CNOT4: variants seen among roughly 807,000 people sequenced by gnomAD.
CNOT4 encodes CCR4-NOT transcription complex subunit 4.
Under a neutral mutation model 73.8 loss-of-function variants are expected in CNOT4, and 8 were observed. The ratio of observed to expected loss-of-function variants is 0.11; its 90% CI spans 0.06 to 0.20. The LOEUF is 0.20. CNOT4 is among the 10% of genes least tolerant of loss of function. CNOT4 has a pLI of 1.00. For missense variants in CNOT4, 564 were observed against 883.4 expected, an observed-to-expected ratio of 0.64 and a Z score of 4.58; for synonymous variants, 293 against 321.1, an observed-to-expected ratio of 0.91 and a Z score of 0.94.
At chr7:135,494,997 A>G (rs1803369566) in intron 1 of CNOT4, among the ~76,000 whole-genome samples, 1 of 152,242 alleles carries the variant, frequency 6.6e-6, no homozygotes. Flanking sequence ...TGTTTTTAAA[A>G]GATTAAATAA....
chr7:135,441,406 TAA>T (rs113086068), intron 1 of CNOT4, among the ~76,000 whole-genome samples: 1 of 137,020 alleles, frequency 7.3e-6, no homozygotes, highest in Non-Finnish European at 1.6e-5. Context: ...AAAATAAAAT[TAA>T]AAAAAAAAAA....
intron 1 of CNOT4, among the ~76,000 whole-genome samples, chr7:135,503,422 C>T (rs1804133905): frequency 6.6e-6 from 1 of 150,964 alleles, no homozygotes; most frequent in African/African-American, 2.4e-5. Flanking sequence ...AGGATCATGC[C>T]ACTGCACTCC....
intron 1 of CNOT4, among the ~76,000 whole-genome samples, chr7:135,501,976 T>C (rs538005077): frequency 2.6e-5 from 4 of 152,198 alleles, no homozygotes; most frequent in Admixed American, 6.5e-5. Context: ...GATAATGCCA[T>C]AGTAATGGAA....
chr7:135,495,305 G>T (rs936563592), intron 1 of CNOT4, among the ~76,000 whole-genome samples: 2 of 152,038 alleles, frequency 1.3e-5, no homozygotes, highest in African/African-American at 2.4e-5. Flanking sequence ...AGGAGTTTGA[G>T]ACCAGCCTAG....
intron 10 of CNOT4, among the ~76,000 whole-genome samples, chr7:135,391,923 A>G (rs116063554): frequency 0.014 from 2,182 of 152,156 alleles, 52 homozygotes; most frequent in African/African-American, 0.05. Context: ...TACCAAGTCC[A>G]TGCCATTTTG....
chr7:135,368,599 G>A (rs1038165074), intron 10 of CNOT4, among the ~76,000 whole-genome samples: 3 of 152,254 alleles, frequency 2.0e-5, no homozygotes, highest in Middle Eastern at 3.4e-3. Flanking sequence ...GGACACGTAC[G>A]GGAACGTGTT....
chr7:135,433,676 T>A (rs1798988408), intron 2 of CNOT4, among the ~76,000 whole-genome samples: 1 of 152,174 alleles, frequency 6.6e-6, no homozygotes, highest in Non-Finnish European at 1.5e-5. Flanking sequence ...TGTTTTTGTT[T>A]CATAGATACA....
At chr7:135,391,728 A>G (rs1796412057) in intron 10 of CNOT4, among the ~76,000 whole-genome samples, 2 of 152,144 alleles carry the variant, frequency 1.3e-5, no homozygotes, top group Non-Finnish European at 2.9e-5. Context: ...TTACCAGTGC[A>G]GCATTCTGAG....
chr7:135,386,665 GATC>G (rs1253112124), intron 10 of CNOT4: 1 of 152,188 alleles, frequency 6.6e-6, no homozygotes, highest in African/African-American at 2.4e-5. Flanking sequence ...TGAGGCAAAA[GATC>G]ATGTTTAGCC....
chr7:135,417,188 A>G (rs970665150), intron 3 of CNOT4, among the ~76,000 whole-genome samples: 5 of 152,152 alleles, frequency 3.3e-5, no homozygotes, highest in African/African-American at 1.2e-4. Flanking sequence ...CTCAATATGT[A>G]AAGAAATTCT....
Position 135,510,028 on chromosome 7 carries a change from A to G in CNOT4, c.-232T>C. On this transcript the variant is annotated 5_prime_UTR_variant, in exon 1 of 12. Transcript: ENST00000541284. ...TCAGCGAGTCCGACCTTTACGGCTG[A>G]GAGAGAGACTCTCAGCTTTCGGTGG... 2 of 398,708 alleles carry G rather than the reference A, an allele frequency of 5.0e-6. No individual in the cohort carries two copies. Among genetic ancestry groups the G allele is most frequent in the Non-Finnish European group, 8.8e-6 (2 of 226,144 alleles). 24.7% of individuals were successfully genotyped at this position (398,708 alleles called of 1,614,324 possible).
At chr7:135,502,830 A>G (rs914563694) in intron 1 of CNOT4, among the ~76,000 whole-genome samples, 5 of 151,338 alleles carry the variant, frequency 3.3e-5, no homozygotes, top group Non-Finnish European at 7.4e-5. Context: ...AAAAAAAAAA[A>G]AAAAGAAAAA....
At chr7:135,405,802 T>C (rs1797247805) in intron 7 of CNOT4, among the ~76,000 whole-genome samples, 1 of 152,190 alleles carries the variant, frequency 6.6e-6, no homozygotes, top group Admixed American at 6.5e-5. Flanking sequence ...ATAGCTATGG[T>C]AATCTTAAGA....
Position 135,432,819 on chromosome 7 carries a change from C to T in CNOT4, c.174+5339G>A, listed in dbSNP as rs887167211. ...TTAACAGTTGAGCAGATACGGAATC[C>T]GAAGATGAAAATTAATTTCCTTCAG... On this transcript the variant is annotated intron_variant, in intron 2 of 11. Transcript: ENST00000541284. Among the ~76,000 whole-genome samples, 45 of 152,152 alleles carry T rather than the reference C, an allele frequency of 3.0e-4. 1 individual carries two copies. Among genetic ancestry groups the T allele is most frequent in the African/African-American group, 9.7e-4 (40 of 41,428 alleles).
At chr7:135,495,754 G>A (rs531685199) in intron 1 of CNOT4, among the ~76,000 whole-genome samples, 9 of 115,644 alleles carry the variant, frequency 7.8e-5, no homozygotes, top group Non-Finnish European at 1.1e-4. Context: ...AAGAAAGAAA[G>A]AAAGAAAGAA....
intron 10 of CNOT4, among the ~76,000 whole-genome samples, chr7:135,371,141 T>G (rs1446256981): frequency 1.3e-5 from 2 of 152,334 alleles, no homozygotes; most frequent in East Asian, 1.9e-4. Flanking sequence ...AGGTTCATTT[T>G]ACAAATGAGG....
At position 135,486,832 on chromosome 7, in the gene CNOT4, CT is replaced by C. The variant is rs1367032996; in HGVS notation, c.-93+23056del. Among the ~76,000 whole-genome samples the C allele has an allele frequency of 2.6e-5, 4 of 152,012 alleles. No homozygotes were observed. The South Asian group carries it at 6.2e-4, about 24-fold the overall frequency. On this transcript the variant is annotated intron_variant, in intron 1 of 11. Coordinates refer to ENST00000541284, the MANE Select transcript of CNOT4 (RefSeq NM_001190850.2). ...CACAGGACAAAAACAAAACAAAACA[CT>C]TTTTTTTAAAGAAATGTTTATGAAT...
chr7:135,429,209 T>C (rs766991871), intron 2 of CNOT4, among the ~76,000 whole-genome samples: 5 of 152,214 alleles, frequency 3.3e-5, no homozygotes, highest in Non-Finnish European at 7.4e-5. Flanking sequence ...TTAAAATGTG[T>C]TTGATCTTGA....
At chr7:135,484,666 C>T (rs2551760) in intron 1 of CNOT4, among the ~76,000 whole-genome samples, 43,468 of 150,690 alleles carry the variant, frequency 0.29, 6,517 homozygotes, top group East Asian at 0.52. Flanking sequence ...GAGACACAAG[C>T]ATCACTTGAA....
Sources: allele counts gnomAD v4.1 joint callset (sites outside exome capture counted in the v4.1 genomes callset), GRCh38; gene constraint gnomAD v4.1.1; transcripts MANE v1.5; gene names NCBI Gene and HGNC (gene_info 2026-07-23, HGNC 2026-07-21).